The following PRKAR1A variants were observed in gnomAD, a reference collection of about 807,000 sequenced individuals.
PRKAR1A encodes the protein cAMP-dependent protein kinase type I-alpha regulatory subunit.
A neutral mutation model predicts 52.0 loss-of-function variants in PRKAR1A; 3 were observed. The ratio of observed to expected loss-of-function variants is 0.06; its 90% confidence interval spans 0.03 to 0.15. The LOEUF is 0.15. Ranked by LOEUF, PRKAR1A falls within the 10% of genes least tolerant of loss-of-function variation. The probability of loss-of-function intolerance (pLI) is 1.00; values close to 1 mark genes in which losing one functional copy is unlikely to be tolerated. For missense variants in PRKAR1A, 240 were observed against 477.4 expected (o/e 0.50, Z 4.63); for synonymous variants, 188 against 168.4 (o/e 1.12, Z -0.90).
the PRKAR1A span, among the ~76,000 whole-genome samples, chr17:68,466,079 C>T: frequency 6.6e-6 from 1 of 152,076 alleles, no homozygotes; most frequent in Non-Finnish European, 1.5e-5. Context: ...CTGACTTCTG[C>T]GTGCAAATGG....
At chr17:68,469,581 A>G in the PRKAR1A span, among the ~76,000 whole-genome samples, 1 of 151,474 alleles carries the variant, frequency 6.6e-6, no homozygotes, top group Non-Finnish European at 1.5e-5. Flanking sequence ...AATATCATAC[A>G]AAACTTTCCA....
At chr17:68,529,505 T>C (rs2085898101) in intron 9 of PRKAR1A, among the ~76,000 whole-genome samples, 1 of 152,206 alleles carries the variant, frequency 6.6e-6, no homozygotes, top group Non-Finnish European at 1.5e-5. Context: ...GTCAGGAGAC[T>C]GTAAAGGGCC....
At chr17:68,527,719 C>T in intron 7 of PRKAR1A, 121 bp from the exon 8 acceptor site, 1 of 812,720 alleles carries the variant, frequency 1.2e-6, no homozygotes, top group Non-Finnish European at 2.0e-6. Flanking sequence ...TCATTAAAAG[C>T]AACAAGCTTT....
At chr17:68,465,286 T>C in the PRKAR1A span, among the ~76,000 whole-genome samples, 1 of 152,064 alleles carries the variant, frequency 6.6e-6, no homozygotes, top group Non-Finnish European at 1.5e-5. Context: ...CTTCTGCTGC[T>C]AACATTTTTG....
chr17:68,426,580 T>C, the PRKAR1A span, among the ~76,000 whole-genome samples: 1 of 152,240 alleles, frequency 6.6e-6, no homozygotes, highest in Non-Finnish European at 1.5e-5. Context: ...TCACCCAGGC[T>C]GGAGTGCAGT....
chr17:68,523,758 T>C lies in PRKAR1A; in HGVS notation c.382T>C (p.Leu128=). 2 of 1,613,726 alleles carry C rather than the reference T, an allele frequency of 1.2e-6. No homozygotes were observed. Among genetic ancestry groups the C allele is most frequent in the South Asian group, 2.2e-5 (2 of 91,072 alleles). Residue 128 remains leucine, a synonymous_variant, in exon 4 of 11, where the codon TTA becomes CTA. Transcript: ENST00000589228. The part of the protein sequence containing the change: ...IPKDYKTMAA[L]AKAIEKNVLF... ...AAAAGATTACAAGACAATGGCCGCT[T>C]TAGCCAAAGCCATTGAAAAGAATGT...
the PRKAR1A span, chr17:68,430,094 G>A: frequency 1.9e-6 from 3 of 1,614,034 alleles, no homozygotes; most frequent in East Asian, 4.5e-5. Flanking sequence ...GGGTAGGGAG[G>A]TAGTTGGTAG....
chr17:68,550,396 TA>T lies in PRKAR1A; in HGVS notation c.974-686del, dbSNP rs371608462. 5.5e-3 allele frequency among the ~76,000 whole-genome samples: 755 copies of T among 138,036 alleles called. 31 individuals are homozygous for T. The highest frequency in any genetic ancestry group is 0.02 in the African/African-American group (647 of 32,720). 90.6% of individuals were successfully genotyped at this position (138,036 alleles called of 152,430 possible). A position where few individuals can be genotyped will look rare whatever the true frequency, so the allele number is the denominator to read the frequency against. ...TTTTTTTTTTTTTTTTTTTTTTTTTTAAGATAGAGAGTCTCCCTCTGTTGCC... is the reference window on the plus strand; with the variant it reads ...TTTTTTTTTTTTTTTTTTTTTTTTTTAGATAGAGAGTCTCCCTCTGTTGCC... On this transcript the variant is annotated intron_variant, in intron 11 of 11. Transcript: ENST00000585981.
At chr17:68,523,020 C>CA (rs2085666682) in intron 3 of PRKAR1A, 94 bp downstream of exon 3, 1 of 1,462,822 alleles carries the variant, frequency 6.8e-7, no homozygotes, top group Non-Finnish European at 9.3e-7. Context: ...AAATACAAAA[C>CA]AGGGTGGAAC....
At chr17:68,428,828 C>G in the PRKAR1A span, 2 of 1,611,024 alleles carry the variant, frequency 1.2e-6, no homozygotes, top group African/African-American at 2.7e-5. Context: ...AGTCTCTTCA[C>G]CTGTGGGTTT....
chr17:68,523,849 CAAGT>C (rs1454694139), intron 4 of PRKAR1A, 33 bp downstream of exon 4: 2 of 1,603,664 alleles, frequency 1.2e-6, no homozygotes, highest in Non-Finnish European at 1.7e-6. Flanking sequence ...CACTATTTTT[CAAGT>C]AAGGGTGTGA....
At chr17:68,501,966 A>G in the PRKAR1A span, among the ~76,000 whole-genome samples, 4 of 152,148 alleles carry the variant, frequency 2.6e-5, no homozygotes, top group Non-Finnish European at 4.4e-5. Context: ...TATCCTTCAC[A>G]TCAATCCCTA....
intron 11 of PRKAR1A, among the ~76,000 whole-genome samples, chr17:68,549,172 A>C (rs780213038): frequency 1.3e-5 from 2 of 152,114 alleles, no homozygotes; most frequent in African/African-American, 2.4e-5. Flanking sequence ...GAGCTCATCC[A>C]TTGCATATTA....
intron 11 of PRKAR1A, chr17:68,540,465 G>T (rs917063911): frequency 4.3e-6 from 2 of 469,206 alleles, no homozygotes; most frequent in African/African-American, 4.0e-5. Flanking sequence ...GGCCTGGAAG[G>T]TGGAATTACT....
the PRKAR1A span, among the ~76,000 whole-genome samples, chr17:68,482,534 G>C: frequency 1.9e-4 from 29 of 152,130 alleles, no homozygotes; most frequent in Non-Finnish European, 3.5e-4. Context: ...ATTTTAAATG[G>C]CAAAGACATT....
the PRKAR1A span, among the ~76,000 whole-genome samples, chr17:68,489,058 T>TG: frequency 4.7e-5 from 7 of 149,676 alleles, no homozygotes; most frequent in Non-Finnish European, 1.0e-4. Flanking sequence ...TGAATAAGTT[T>TG]GGGCTATTTC....
the PRKAR1A span, among the ~76,000 whole-genome samples, chr17:68,486,855 C>T: frequency 2.0e-5 from 3 of 147,090 alleles, no homozygotes; most frequent in Admixed American, 6.8e-5. Context: ...TGCTAGTTAC[C>T]TCCCAAAGTC....
the PRKAR1A span, among the ~76,000 whole-genome samples, chr17:68,482,618 G>A: frequency 1.3e-5 from 2 of 152,126 alleles, no homozygotes; most frequent in Non-Finnish European, 2.9e-5. Context: ...CTAGACACCG[G>A]GTGAAGGTTA....
chr17:68,500,617 G>T, the PRKAR1A span, among the ~76,000 whole-genome samples: 1 of 151,688 alleles, frequency 6.6e-6, no homozygotes, highest in Non-Finnish European at 1.5e-5. Flanking sequence ...GGGTTCAAGT[G>T]ATTCTCCTGC....
Sources: allele counts gnomAD v4.1 joint callset (sites outside exome capture counted in the v4.1 genomes callset), GRCh38; gene constraint gnomAD v4.1.1; transcripts MANE v1.5; gene names NCBI Gene and HGNC (gene_info 2026-07-23, HGNC 2026-07-21).